OR10J1: variants seen among roughly 807,000 people sequenced by gnomAD.
OR10J1 encodes olfactory receptor 10J1.
For missense variants in OR10J1, 474 were observed against 376.6 expected (o/e 1.26, Z -2.14); for synonymous variants, 202 against 143.8 (o/e 1.40, Z -2.89).
chr1:159,401,064 G>A, the OR10J1 span, among the ~76,000 whole-genome samples: 1 of 151,232 alleles, frequency 6.6e-6, no homozygotes, highest in Non-Finnish European at 1.5e-5. Context: ...AAGAATAATG[G>A]AACCACAACA....
chr1:159,435,375 G>C (rs982712241), upstream of OR10J1, among the ~76,000 whole-genome samples: 1 of 152,072 alleles, frequency 6.6e-6, no homozygotes, highest in African/African-American at 2.4e-5. Context: ...AATAAATACT[G>C]ACAAAAGCAT....
the OR10J1 span, among the ~76,000 whole-genome samples, chr1:159,400,343 A>T: frequency 6.6e-6 from 1 of 151,924 alleles, no homozygotes; most frequent in Admixed American, 6.6e-5. Flanking sequence ...CACTTCACCT[A>T]TAGACACACA....
chr1:159,422,506 G>T, the OR10J1 span, among the ~76,000 whole-genome samples: 3 of 152,160 alleles, frequency 2.0e-5, no homozygotes, highest in Non-Finnish European at 4.4e-5. Flanking sequence ...AGATGCAGGG[G>T]TCTCTGCCCA....
At chr1:159,402,292 C>T in the OR10J1 span, among the ~76,000 whole-genome samples, 2 of 152,080 alleles carry the variant, frequency 1.3e-5, no homozygotes, top group East Asian at 3.9e-4. Flanking sequence ...TAAAGGGCAT[C>T]CAAATTGGAA....
At chr1:159,439,615 A>C, upstream of OR10J1, 1 of 739,002 alleles carries the variant, frequency 1.4e-6, no homozygotes, top group East Asian at 2.7e-5. Context: ...ACAGAGTAAA[A>C]ATATTTTAAG....
the OR10J1 span, among the ~76,000 whole-genome samples, chr1:159,422,474 T>G: frequency 6.6e-6 from 1 of 152,176 alleles, no homozygotes; most frequent in Non-Finnish European, 1.5e-5. Context: ...CTTAAAAGTG[T>G]GCAGCCATCC....
upstream of OR10J1, among the ~76,000 whole-genome samples, chr1:159,436,170 G>C (rs1571155874): frequency 6.6e-6 from 1 of 151,416 alleles, no homozygotes; most frequent in African/African-American, 2.4e-5. Context: ...ATAAAGTCTT[G>C]AGCTCTTTAG....
the OR10J1 span, among the ~76,000 whole-genome samples, chr1:159,431,795 C>A: frequency 1.3e-5 from 2 of 152,062 alleles, no homozygotes; most frequent in Non-Finnish European, 2.9e-5. Context: ...GTGATTTGCC[C>A]AGTTGTAGGC....
chr1:159,403,132 T>C, the OR10J1 span, among the ~76,000 whole-genome samples: 3 of 152,152 alleles, frequency 2.0e-5, no homozygotes, highest in Non-Finnish European at 2.9e-5. Flanking sequence ...AAGACTTAAA[T>C]CTAGGGCCTC....
chr1:159,403,364 C>T, the OR10J1 span, among the ~76,000 whole-genome samples: 1 of 152,028 alleles, frequency 6.6e-6, no homozygotes, highest in Admixed American at 6.6e-5. Flanking sequence ...AAACGATCCA[C>T]GTGACAAGGG....
chr1:159,404,878 G>A, the OR10J1 span, among the ~76,000 whole-genome samples: 3 of 152,278 alleles, frequency 2.0e-5, no homozygotes, highest in South Asian at 6.2e-4. Context: ...TTAAGGATCA[G>A]GTGAAATCCT....
At chr1:159,406,441 C>G in the OR10J1 span, 2 of 334,940 alleles carry the variant, frequency 6.0e-6, no homozygotes, top group Admixed American at 6.9e-5. Context: ...TAACAGATTA[C>G]ACAGTTGTCT....
chr1:159,422,769 G>T, the OR10J1 span, among the ~76,000 whole-genome samples: 1 of 152,176 alleles, frequency 6.6e-6, no homozygotes, highest in Non-Finnish European at 1.5e-5. Flanking sequence ...AACCTTACTA[G>T]GGTTGAGCTC....
the OR10J1 span, among the ~76,000 whole-genome samples, chr1:159,422,905 T>C: frequency 6.6e-6 from 1 of 152,308 alleles, no homozygotes; most frequent in South Asian, 2.1e-4. Flanking sequence ...CTGAACAGGC[T>C]ACATTGCTTC....
the OR10J1 span, among the ~76,000 whole-genome samples, chr1:159,422,364 T>A: frequency 5.3e-5 from 8 of 152,156 alleles, no homozygotes; most frequent in Admixed American, 4.6e-4. Flanking sequence ...GGAAGCAACC[T>A]TAGGCATGTT....
At chr1:159,403,861 T>C in the OR10J1 span, among the ~76,000 whole-genome samples, 1 of 152,090 alleles carries the variant, frequency 6.6e-6, no homozygotes, top group Non-Finnish European at 1.5e-5. Flanking sequence ...GGAAGCAACC[T>C]AAGTGTCCAT....
chr1:159,428,778 G>T, the OR10J1 span, among the ~76,000 whole-genome samples: 1 of 152,152 alleles, frequency 6.6e-6, no homozygotes, highest in Non-Finnish European at 1.5e-5. Flanking sequence ...AGATTATGTG[G>T]AATTGAACTG....
At chr1:159,408,428 A>G in the OR10J1 span, among the ~76,000 whole-genome samples, 103 of 139,406 alleles carry the variant, frequency 7.4e-4, no homozygotes, top group Non-Finnish European at 1.0e-3. Flanking sequence ...GAACACATGG[A>G]CACAGGAAGG....
chr1:159,421,883 G>A, the OR10J1 span, among the ~76,000 whole-genome samples: 1 of 152,120 alleles, frequency 6.6e-6, no homozygotes, highest in African/African-American at 2.4e-5. Context: ...CAGGTGACTT[G>A]CTTGGGTACC....
Sources: gnomAD v4.1 joint callset for allele counts (sites outside exome capture counted in the v4.1 genomes callset) on GRCh38, gnomAD v4.1.1 for gene constraint, MANE v1.5 for transcripts, NCBI Gene and HGNC (gene_info 2026-07-23, HGNC 2026-07-21) for gene names.